Variants in MICAL3 observed in about 807,000 individuals in gnomAD.
MICAL3 encodes the protein microtubule associated monooxygenase, calponin and LIM domain containing 3.
In MICAL3, 62 loss-of-function variants were observed where a neutral mutation model predicts 207.4. The observed-to-expected ratio is 0.30, with a 90% CI of 0.24 to 0.37. The LOEUF (loss-of-function observed/expected upper bound fraction) is 0.37. Ranked by LOEUF, MICAL3 falls within the 10% of genes least tolerant of loss-of-function variation. MICAL3 has a pLI of 1.00. For missense variants in MICAL3, 2,368 were observed against 2,635.6 expected (o/e 0.90, Z 2.22); for synonymous variants, 1,077 against 1,069.3 (o/e 1.01, Z -0.14).
At chr22:17,823,143 C>A in intron 22 of MICAL3, 83 bp from the exon 23 acceptor site, 3 of 928,594 alleles carry the variant, frequency 3.2e-6, no homozygotes, top group South Asian at 1.4e-5. Flanking sequence ...AGAGGTACTG[C>A]CTTTCTCAGG....
chr22:17,843,601 C>T (rs1233400576), intron 19 of MICAL3, among the ~76,000 whole-genome samples: 3 of 152,360 alleles, frequency 2.0e-5, no homozygotes, highest in Admixed American at 1.3e-4. Flanking sequence ...CACACATACT[C>T]ATGTGGGGGT....
At position 17,928,280 on chromosome 22, in the gene MICAL3, A is replaced by G. The variant is rs371701802; in HGVS notation, c.-74-21394T>C. ...CGGTGAAACCCCGCCTCTACTAAAA[A>G]TACAAAAAATTAGCGGGGCGTGGTG... On this transcript the variant is annotated intron_variant, in intron 1 of 31. Transcript: ENST00000441493. 1.8e-4 allele frequency among the ~76,000 whole-genome samples: 27 copies of G among 152,288 alleles called. No individual in the cohort carries two copies. In the Middle Eastern group the frequency reaches 0.014, roughly 77 times the overall value.
At chr22:17,964,319 A>G (rs997657893) in intron 1 of MICAL3, among the ~76,000 whole-genome samples, 7 of 152,278 alleles carry the variant, frequency 4.6e-5, no homozygotes, top group African/African-American at 1.2e-4. Flanking sequence ...TTCTTACCTT[A>G]TATGATTGAG....
At chr22:17,939,947 T>C (rs1334113162) in intron 1 of MICAL3, among the ~76,000 whole-genome samples, 1 of 152,162 alleles carries the variant, frequency 6.6e-6, no homozygotes, top group Non-Finnish European at 1.5e-5. Flanking sequence ...CACAGAAGTA[T>C]GTACATACTG....
intron 29 of MICAL3, among the ~76,000 whole-genome samples, chr22:17,799,549 G>A (rs1482234692): frequency 2.0e-5 from 3 of 152,358 alleles, no homozygotes; most frequent in East Asian, 1.9e-4. Flanking sequence ...GAAGGCACTC[G>A]GCTATTCTGA....
chr22:17,893,834 C>T lies in MICAL3; in HGVS notation c.1520G>A (p.Arg507Gln), dbSNP rs775804967. 6.3e-6 allele frequency: 10 copies of T among 1,577,292 alleles called. No individual in the cohort carries two copies. Among genetic ancestry groups the T allele is most frequent in the African/African-American group, 2.7e-5 (2 of 74,088 alleles). The change falls in exon 11 of 32, where the codon CGA becomes CAA. Residue 507 changes from arginine to glutamine, a missense_variant. Physicochemically the swap from Arg to Gln is conservative, Grantham distance 43 (BLOSUM62 1). Around this residue, in one of 4 missense-constraint regions of MICAL3, gnomAD observed 147 missense variants for 137.7 expected, o/e 1.07. Coordinates refer to ENST00000441493, the MANE Select transcript of MICAL3 (RefSeq NM_015241.3). ...HLEMESLVNS[R>Q]TTPKLTRNES... ...ATTGCGAGTCAATTTGGGGGTGGTT[C>T]GGGAATTCACCAGGCTCTCCATTTC... is the stretch of plus-strand genomic sequence containing the variant.
At chr22:17,830,483 G>A (rs1162925062) in intron 21 of MICAL3, among the ~76,000 whole-genome samples, 1 of 152,256 alleles carries the variant, frequency 6.6e-6, no homozygotes, top group Admixed American at 6.5e-5. Context: ...ACCCGAAGCT[G>A]TGCCAGGGCT....
intron 1 of MICAL3, among the ~76,000 whole-genome samples, chr22:17,908,339 G>A (rs1476609885): frequency 4.6e-5 from 7 of 151,804 alleles, no homozygotes; most frequent in African/African-American, 1.2e-4. Flanking sequence ...ATGGAGTCTC[G>A]CTTTGTTGCC....
rs537773194 is a variant in MICAL3, at chr22:17,800,413, TG to T, written c.5650+8430del. 2.5e-3 allele frequency among the ~76,000 whole-genome samples: 375 copies of T among 152,284 alleles called. 1 individual carries two copies. The highest frequency in any genetic ancestry group is 7.9e-3 in the African/African-American group (330 of 41,560). Reference sequence around the variant, plus strand: ...AGAAGAAAGAAGGGGAGTGGCCACCTGGGGACCCTTCCTCTCTGGTCCAAGG... The same window carrying T: ...AGAAGAAAGAAGGGGAGTGGCCACCTGGGACCCTTCCTCTCTGGTCCAAGG... On this transcript the variant is annotated intron_variant, in intron 29 of 31. Transcript: ENST00000441493.
At chr22:17,933,507 C>T (rs1385870151) in intron 1 of MICAL3, among the ~76,000 whole-genome samples, 1 of 152,084 alleles carries the variant, frequency 6.6e-6, no homozygotes, top group South Asian at 2.1e-4. Context: ...TAAATGCCCA[C>T]AAGAGAAAGC....
intron 1 of MICAL3, among the ~76,000 whole-genome samples, chr22:18,014,943 C>T (rs1289126061): frequency 1.3e-5 from 2 of 151,582 alleles, no homozygotes; most frequent in Non-Finnish European, 2.9e-5. Context: ...GCCGACATTG[C>T]GCTACTGCAC....
At chr22:17,976,841 C>CTG (rs1935679519) in intron 1 of MICAL3, among the ~76,000 whole-genome samples, 1 of 146,120 alleles carries the variant, frequency 6.8e-6, no homozygotes, top group Admixed American at 6.9e-5. Flanking sequence ...GAGTCTTGCT[C>CTG]TGTCGCCCAG....
intron 1 of MICAL3, among the ~76,000 whole-genome samples, chr22:18,011,333 G>T (rs1207172814): frequency 6.6e-6 from 1 of 150,840 alleles, no homozygotes; most frequent in Non-Finnish European, 1.5e-5. Flanking sequence ...ATCACCTGAG[G>T]TCGGAGTTCG....
intron 20 of MICAL3, among the ~76,000 whole-genome samples, chr22:17,832,396 C>T (rs1220839534): frequency 1.3e-5 from 2 of 152,208 alleles, no homozygotes; most frequent in Non-Finnish European, 1.5e-5. Flanking sequence ...CCGAAGGCTG[C>T]CTGTGGGTCT....
In MICAL3 at chr22:17,818,187, C is replaced by G. The variant is rs761904383; in HGVS notation, c.4474G>C (p.Ala1492Pro). The G allele has an allele frequency of 4.4e-5, 68 of 1,551,330 alleles. No homozygotes were observed. In the African/African-American group the frequency reaches 7.9e-4, roughly 18 times the overall value. ...TCCCGGGGGGGCCGCATCCAGGTGG[C>G]GGGCAAGGGCGGCGGGACCACCGAG... ...NASVVPPPLP[A>P]TWMRPPREPA... The change falls in exon 26 of 32, where the codon GCC (alanine) becomes CCC (proline). Residue 1492 changes from alanine (A) to proline (P), a missense_variant. Physicochemically the swap from Ala to Pro is conservative, Grantham distance 27 (BLOSUM62 -1). This residue lies in a region of MICAL3 where 1,770 missense variants were observed against 1,863.2 expected (regional missense o/e 0.95). Coordinates refer to ENST00000441493, the MANE Select transcript of MICAL3 (RefSeq NM_015241.3).
At chr22:17,824,981 C>T (rs562516709) in intron 22 of MICAL3, among the ~76,000 whole-genome samples, 1 of 152,330 alleles carries the variant, frequency 6.6e-6, no homozygotes, top group Admixed American at 6.5e-5. Flanking sequence ...CTGTGCCTGA[C>T]AGATTTGTTG....
intron 29 of MICAL3, among the ~76,000 whole-genome samples, chr22:17,799,590 C>T (rs1348018515): frequency 6.6e-6 from 1 of 152,186 alleles, no homozygotes; most frequent in Non-Finnish European, 1.5e-5. Context: ...ATTTGGTGGG[C>T]ACCACCAATG....
chr22:17,984,785 C>A (rs1936080654), intron 1 of MICAL3, among the ~76,000 whole-genome samples: 1 of 152,218 alleles, frequency 6.6e-6, no homozygotes, highest in Non-Finnish European at 1.5e-5. Flanking sequence ...ATTTGATCCT[C>A]ACAAAAATTC....
chr22:17,808,400 A>G (rs980676352), intron 29 of MICAL3, among the ~76,000 whole-genome samples: 2 of 152,178 alleles, frequency 1.3e-5, no homozygotes, highest in Admixed American at 6.5e-5. Context: ...AGCGGTGTTG[A>G]GGGCTCTGTG....
Sources: allele counts gnomAD v4.1 joint callset (sites outside exome capture counted in the v4.1 genomes callset), GRCh38; gene constraint gnomAD v4.1.1; regional missense constraint gnomAD v4.1.1; transcripts MANE v1.5; gene names NCBI Gene and HGNC (gene_info 2026-07-23, HGNC 2026-07-21).